Variants in CTNND2 observed in about 807,000 individuals in gnomAD.
CTNND2 encodes catenin delta 2, also known as catenin delta-2.
Under a neutral mutation model 144.4 loss-of-function variants are expected in CTNND2, and 22 were observed. The observed-to-expected ratio is 0.15, with a 90% CI of 0.11 to 0.22. The LOEUF is 0.22. Among genes scored for constraint, CTNND2 ranks in the 10% least tolerant of loss-of-function variants. The pLI is 1.00. For synonymous variants in CTNND2, 751 were observed against 695.6 expected (o/e 1.08, Z -1.25); for missense variants, 1,353 against 1,618.8 (o/e 0.84, Z 2.82).
intron 1 of CTNND2, among the ~76,000 whole-genome samples, chr5:11,764,046 G>C (rs1334906989): frequency 6.6e-6 from 1 of 152,132 alleles, no homozygotes; most frequent in East Asian, 1.9e-4. Context: ...GATTATGCTG[G>C]ATTATCTGGT....
chr5:11,517,141 G>A (rs947636832), intron 3 of CTNND2, among the ~76,000 whole-genome samples: 2 of 152,146 alleles, frequency 1.3e-5, no homozygotes, highest in African/African-American at 4.8e-5. Context: ...GATATGTGAC[G>A]TACACACTGC....
chr5:11,090,294 T>C (rs1233640356), intron 15 of CTNND2, among the ~76,000 whole-genome samples: 1 of 152,228 alleles, frequency 6.6e-6, no homozygotes, highest in African/African-American at 2.4e-5. Flanking sequence ...GGTTAGCCCA[T>C]GTCTTAAACT....
At chr5:11,862,588 A>G (rs1192907338) in intron 1 of CTNND2, among the ~76,000 whole-genome samples, 2 of 152,220 alleles carry the variant, frequency 1.3e-5, no homozygotes, top group Non-Finnish European at 2.9e-5. Flanking sequence ...CTTGCCCTAT[A>G]ATCCTAAAAG....
intron 11 of CTNND2, among the ~76,000 whole-genome samples, chr5:11,181,655 A>G (rs998122464): frequency 4.6e-5 from 7 of 150,560 alleles, no homozygotes; most frequent in Admixed American, 1.3e-4. Flanking sequence ...CTCCGTGTGT[A>G]TGTGTGTGTG....
At chr5:11,052,400 C>T (rs1483064661) in intron 16 of CTNND2, among the ~76,000 whole-genome samples, 1 of 152,178 alleles carries the variant, frequency 6.6e-6, no homozygotes, top group African/African-American at 2.4e-5. Context: ...TTAATTACCC[C>T]TGTCCTCATT....
At chr5:11,008,070 G>T (rs188514395) in intron 18 of CTNND2, among the ~76,000 whole-genome samples, 66 of 152,324 alleles carry the variant, frequency 4.3e-4, no homozygotes, top group Admixed American at 5.9e-4. Context: ...CACTCCAGAG[G>T]TGGTGAGCAT....
At chr5:11,860,957 T>C (rs189642357) in intron 1 of CTNND2, among the ~76,000 whole-genome samples, 1 of 152,352 alleles carries the variant, frequency 6.6e-6, no homozygotes, top group African/African-American at 2.4e-5. Flanking sequence ...AAATAATGTT[T>C]TCAGAAATCT....
At chr5:11,457,936 C>T (rs781547614) in intron 3 of CTNND2, among the ~76,000 whole-genome samples, 1 of 152,190 alleles carries the variant, frequency 6.6e-6, no homozygotes, top group Non-Finnish European at 1.5e-5. Context: ...ACACTGAAAT[C>T]TTACTTGCAT....
intron 7 of CTNND2, among the ~76,000 whole-genome samples, chr5:11,380,372 T>C (rs918032298): frequency 5.9e-5 from 9 of 152,356 alleles, no homozygotes; most frequent in African/African-American, 2.2e-4. Context: ...TAACTTCTAT[T>C]GAGCCAGAAA....
intron 9 of CTNND2, among the ~76,000 whole-genome samples, chr5:11,254,456 C>T (rs1744005970): frequency 6.6e-6 from 1 of 152,064 alleles, no homozygotes; most frequent in Admixed American, 6.6e-5. Context: ...TCCTACCTTG[C>T]ACAATAGAAC....
chr5:11,349,545 T>C (rs377637177), intron 8 of CTNND2, among the ~76,000 whole-genome samples: 3 of 152,272 alleles, frequency 2.0e-5, no homozygotes, highest in East Asian at 1.9e-4. Flanking sequence ...CCAGGGCAGG[T>C]TTAAAACCTC....
At chr5:11,900,855 A>C (rs1393834852) in intron 1 of CTNND2, among the ~76,000 whole-genome samples, 1 of 152,212 alleles carries the variant, frequency 6.6e-6, no homozygotes, top group Non-Finnish European at 1.5e-5. Context: ...TGTCTGAATT[A>C]TGACATCCAA....
intron 15 of CTNND2, among the ~76,000 whole-genome samples, chr5:11,085,249 G>A (rs139533991): frequency 3.3e-5 from 5 of 152,342 alleles, no homozygotes; most frequent in African/African-American, 1.2e-4. Flanking sequence ...AGAAACTGGT[G>A]AGCAGTGATG....
chr5:11,335,017 G>T (rs1403072141), intron 9 of CTNND2, among the ~76,000 whole-genome samples: 1 of 152,182 alleles, frequency 6.6e-6, no homozygotes, highest in African/African-American at 2.4e-5. Flanking sequence ...TTTCCCACTG[G>T]TATCTTCTTC....
Position 11,211,547 on chromosome 5 carries a change from C to G in CTNND2, c.1762-11886G>C, listed in dbSNP as rs966777542. ...GTCTGACTGAAAGAAAGGAATCATG[C>G]GTGACTACGATTTGGGGCCTTGGGC... On this transcript the variant is annotated intron_variant, in intron 10 of 21. Transcript: ENST00000304623. 1.3e-5 allele frequency among the ~76,000 whole-genome samples: 2 copies of G among 152,140 alleles called. 1 individual carries two copies.
chr5:11,241,969 T>A (rs190381799), intron 9 of CTNND2, among the ~76,000 whole-genome samples: 2 of 149,480 alleles, frequency 1.3e-5, no homozygotes, highest in Admixed American at 1.3e-4. Context: ...CCATTCAGCA[T>A]GTCTGGGGCA....
At chr5:11,432,084 T>A (rs1013239071) in intron 3 of CTNND2, among the ~76,000 whole-genome samples, 7 of 151,384 alleles carry the variant, frequency 4.6e-5, no homozygotes, top group African/African-American at 1.5e-4. Context: ...CTCAATGGAC[T>A]AGATGCACTC....
chr5:11,140,196 A>C lies in CTNND2; in HGVS notation c.2159+19380T>G, dbSNP rs570630504. ...CTGGCCTACCACTGAAGGTCAGACT[A>C]TTTTTTCATTACAGTTGGGCATACA... On this transcript the variant is annotated intron_variant, in intron 12 of 21. Coordinates refer to ENST00000304623, the MANE Select transcript of CTNND2 (RefSeq NM_001332.4). 2.3e-3 allele frequency among the ~76,000 whole-genome samples: 343 copies of C among 152,178 alleles called. 1 individual carries two copies. The highest frequency in any genetic ancestry group is 8.0e-3 in the African/African-American group (330 of 41,494).
At chr5:11,791,120 G>A (rs1791114072) in intron 1 of CTNND2, among the ~76,000 whole-genome samples, 1 of 152,214 alleles carries the variant, frequency 6.6e-6, no homozygotes, top group African/African-American at 2.4e-5. Flanking sequence ...GGGGTTACCA[G>A]GAGCTGGAAG....
Sources: gnomAD v4.1 joint callset for allele counts (sites outside exome capture counted in the v4.1 genomes callset) on GRCh38, gnomAD v4.1.1 for gene constraint, MANE v1.5 for transcripts, NCBI Gene and HGNC (gene_info 2026-07-23, HGNC 2026-07-21) for gene names.